HECW1: variants seen among roughly 807,000 people sequenced by gnomAD.
HECW1 encodes E3 ubiquitin-protein ligase HECW1.
A neutral mutation model predicts 182.3 loss-of-function variants in HECW1; 61 were observed. That is an observed-to-expected ratio of 0.33 (90% confidence interval 0.27 to 0.41). HECW1 has a LOEUF of 0.41. Among genes scored for constraint, HECW1 ranks in the 10% least tolerant of loss-of-function variants. The probability of loss-of-function intolerance (pLI) is 1.00; values close to 1 mark genes in which losing one functional copy is unlikely to be tolerated. For missense variants in HECW1, 1,739 were observed against 2,108.9 expected (o/e 0.82, Z 3.44); for synonymous variants, 859 against 832.6 (o/e 1.03, Z -0.55).
rs546910541 is a variant in HECW1 at position 43,247,873 on chromosome 7, C to T, written c.27+3941C>T. Among the ~76,000 whole-genome samples the T allele has an allele frequency of 1.4e-3, 103 of 74,532 alleles. 3 individuals are homozygous for T. Among genetic ancestry groups the T allele is most frequent in the African/African-American group, 1.8e-3 (13 of 7,300 alleles). The allele number at this position is 74,532 out of a possible 152,430, so 48.9% of individuals were successfully genotyped here. On this transcript the variant is annotated intron_variant, in intron 3 of 29. Coordinates refer to ENST00000395891, the MANE Select transcript of HECW1 (RefSeq NM_015052.5). ...GGAAGGAAGGAAAGAAAGAAGAAAGCAAGCAAGAAAGGGAGGGAGAGAGGA... is the reference window on the plus strand; with the variant it reads ...GGAAGGAAGGAAAGAAAGAAGAAAGTAAGCAAGAAAGGGAGGGAGAGAGGA...
chr7:43,278,045 C>A (rs765184950), intron 3 of HECW1, among the ~76,000 whole-genome samples: 3 of 152,080 alleles, frequency 2.0e-5, no homozygotes, highest in Non-Finnish European at 2.9e-5. Context: ...GTGGTCGCAT[C>A]TACTCTTGTG....
intron 24 of HECW1, among the ~76,000 whole-genome samples, chr7:43,526,319 A>G (rs2080753550): frequency 6.6e-6 from 1 of 152,222 alleles, no homozygotes; most frequent in South Asian, 2.1e-4. Flanking sequence ...CTGAAGCATA[A>G]TGTCCCTAGA....
chr7:43,151,070 T>C (rs1252017720), intron 2 of HECW1: 1 of 154,014 alleles, frequency 6.5e-6, no homozygotes, highest in African/African-American at 2.4e-5. Flanking sequence ...CATGTGCCCT[T>C]TCCTGACTTC....
rs1054579867 is a variant in HECW1 at position 43,273,701 on chromosome 7, G to A, written c.27+29769G>A. 9.9e-5 allele frequency among the ~76,000 whole-genome samples: 15 copies of A among 152,064 alleles called. 1 individual carries two copies. The highest frequency in any genetic ancestry group is 3.1e-4 in the African/African-American group (13 of 41,486). On this transcript the variant is annotated intron_variant, in intron 3 of 29. Transcript: ENST00000395891. ...ATGATAACAATGGAAAAGAAATCAG[G>A]ATATTTGACAATATAAAATGTTGAA... is the stretch of plus-strand genomic sequence containing the variant.
At chr7:43,329,051 T>A (rs562400385) in intron 5 of HECW1, among the ~76,000 whole-genome samples, 11 of 152,176 alleles carry the variant, frequency 7.2e-5, no homozygotes, top group African/African-American at 1.9e-4. Flanking sequence ...AGCATGTACT[T>A]CTTTTTGTGC....
chr7:43,353,320 T>C (rs980099556), intron 5 of HECW1, among the ~76,000 whole-genome samples: 1 of 152,038 alleles, frequency 6.6e-6, no homozygotes, highest in African/African-American at 2.4e-5. Flanking sequence ...AAAAGGAAGA[T>C]CAATTTATAA....
intron 5 of HECW1, among the ~76,000 whole-genome samples, chr7:43,336,141 TCTTTCTCTCTCTCTCTCTCTC>T (rs1562853709): frequency 3.1e-5 from 2 of 64,582 alleles, no homozygotes; most frequent in Admixed American, 1.9e-4. Context: ...TCTCTCTCTC[TCTTTCTCTCTCTCTCTCTCTC>T]TCTCTCTCTC....
intron 8 of HECW1, among the ~76,000 whole-genome samples, chr7:43,424,763 T>G (rs2076301279): frequency 6.6e-6 from 1 of 152,248 alleles, no homozygotes; most frequent in Non-Finnish European, 1.5e-5. Context: ...GGAATTACTG[T>G]GGTTATGCTA....
At chr7:43,320,529 G>A (rs1809974092) in intron 4 of HECW1, 106 bp from the exon 5 acceptor site, 1 of 774,352 alleles carries the variant, frequency 1.3e-6, no homozygotes. Flanking sequence ...TTTTTCTTCT[G>A]TTGAGATGGA....
chr7:43,514,446 G>A (rs548361226), intron 24 of HECW1, among the ~76,000 whole-genome samples: 3 of 151,868 alleles, frequency 2.0e-5, no homozygotes, highest in African/African-American at 7.2e-5. Context: ...ATGCCACCAC[G>A]CCCAGCTAAT....
At chr7:43,356,605 C>A (rs189888654) in intron 5 of HECW1, among the ~76,000 whole-genome samples, 1 of 152,158 alleles carries the variant, frequency 6.6e-6, no homozygotes, top group East Asian at 1.9e-4. Flanking sequence ...TTTCTATCAA[C>A]ACATGGAACA....
At chr7:43,231,828 A>G (rs971342423) in intron 2 of HECW1, among the ~76,000 whole-genome samples, 10 of 151,996 alleles carry the variant, frequency 6.6e-5, no homozygotes, top group African/African-American at 2.2e-4. Context: ...CATCCTGGCT[A>G]ACACAGTGAA....
intron 12 of HECW1, among the ~76,000 whole-genome samples, chr7:43,454,664 G>T (rs1189669029): frequency 1.3e-5 from 2 of 152,090 alleles, no homozygotes; most frequent in Non-Finnish European, 2.9e-5. Context: ...AATCCATCAG[G>T]TCAAGCATAA....
intron 6 of HECW1, among the ~76,000 whole-genome samples, chr7:43,395,014 G>T (rs1376463580): frequency 2.1e-5 from 3 of 142,396 alleles, no homozygotes; most frequent in East Asian, 4.2e-4. Flanking sequence ...CAGTTCCTGG[G>T]TGGGGGCCAC....
rs542959652 is a variant in HECW1 at position 43,164,484 on chromosome 7, T to C, written c.-32+50093T>C. ...GGTGTCCTCTGGATCGAGCCTTGAG[T>C]GGAGGGGGCTGCTCGGCATCTGTGC... On this transcript the variant is annotated intron_variant, in intron 2 of 29. Transcript: ENST00000395891. Among the ~76,000 whole-genome samples, 157 of 152,194 alleles carry C rather than the reference T, an allele frequency of 1.0e-3. 1 individual carries two copies. Among genetic ancestry groups the C allele is most frequent in the African/African-American group, 3.6e-3 (150 of 41,538 alleles).
In HECW1 at chr7:43,221,537, GTTTTTTTTTTTTTTTTTTTTTTTT is replaced by G. The variant is rs71008897; in HGVS notation, c.-31-22319_-31-22296del. On this transcript the variant is annotated intron_variant, in intron 2 of 29. Coordinates refer to ENST00000395891, the MANE Select transcript of HECW1 (RefSeq NM_015052.5). ...CTAAACTAAATGTCAGAGGAATTAG[GTTTTTTTTTTTTTTTTTTTTTTTT>G]TTTTTTTTTTTTTTTTTTGGGACAG... 6.4e-3 allele frequency among the ~76,000 whole-genome samples: 325 copies of G among 50,536 alleles called. 4 individuals carry two copies. The highest frequency in any genetic ancestry group is 8.5e-3 in the Non-Finnish European group (248 of 29,154). 33.2% of individuals were successfully genotyped at this position (50,536 alleles called of 152,430 possible). A position where few individuals can be genotyped will look rare whatever the true frequency, so the allele number is the denominator to read the frequency against.
intron 13 of HECW1, among the ~76,000 whole-genome samples, chr7:43,459,611 C>G (rs1270870718): frequency 6.6e-6 from 1 of 151,800 alleles, no homozygotes; most frequent in East Asian, 1.9e-4. Flanking sequence ...TATCTCAGCT[C>G]ACTGCAACCT....
chr7:43,238,235 G>A (rs986024634), intron 2 of HECW1, among the ~76,000 whole-genome samples: 1 of 152,174 alleles, frequency 6.6e-6, no homozygotes, highest in Non-Finnish European at 1.5e-5. Flanking sequence ...GCTGCATTGG[G>A]AGGGATGGCA....
intron 2 of HECW1, among the ~76,000 whole-genome samples, chr7:43,232,392 T>C (rs76266281): frequency 0.028 from 4,250 of 152,144 alleles, 93 homozygotes; most frequent in Non-Finnish European, 0.045. Context: ...AGAAGAAGAG[T>C]AGAAATGGAG....
Sources: allele counts gnomAD v4.1 joint callset (sites outside exome capture counted in the v4.1 genomes callset), GRCh38; gene constraint gnomAD v4.1.1; transcripts MANE v1.5; gene names NCBI Gene and HGNC (gene_info 2026-07-23, HGNC 2026-07-21).